Variants in KPNA7 observed in about 807,000 individuals in gnomAD.
KPNA7 encodes the protein importin subunit alpha-8.
A neutral mutation model predicts 53.7 loss-of-function variants in KPNA7; 54 were observed. The observed-to-expected ratio is 1.01, with a 90% CI of 0.81 to 1.26. The LOEUF is 1.26. Ranked by LOEUF, KPNA7 falls within the 50% of genes most tolerant of loss-of-function variation. KPNA7 has a pLI of 0.00. For synonymous variants in KPNA7, 276 were observed against 259.3 expected (o/e 1.06, Z -0.62); for missense variants, 640 against 644.5 (o/e 0.99, Z 0.07).
At chr7:99,147,634 T>C in the KPNA7 span, among the ~76,000 whole-genome samples, 1 of 151,914 alleles carries the variant, frequency 6.6e-6, no homozygotes, top group South Asian at 2.1e-4. Context: ...CTACTAAAAA[T>C]ACAAAAATAA....
the KPNA7 span, among the ~76,000 whole-genome samples, chr7:99,146,807 A>C: frequency 6.6e-6 from 1 of 151,332 alleles, no homozygotes; most frequent in Non-Finnish European, 1.5e-5. Flanking sequence ...AGCCCAGCCT[A>C]CCTTAAATGT....
At chr7:99,176,230 G>A (rs926341722) in intron 10 of KPNA7, among the ~76,000 whole-genome samples, 2 of 150,462 alleles carry the variant, frequency 1.3e-5, no homozygotes, top group African/African-American at 4.9e-5. Flanking sequence ...CCCAGGAGGT[G>A]GAGGTTGCAG....
At chr7:99,187,139 T>C (rs962810316) in intron 7 of KPNA7, among the ~76,000 whole-genome samples, 4 of 151,804 alleles carry the variant, frequency 2.6e-5, no homozygotes, top group African/African-American at 9.7e-5. Context: ...ATACAAAAAT[T>C]AGCTGGGCGT....
the KPNA7 span, among the ~76,000 whole-genome samples, chr7:99,157,107 A>G: frequency 1.3e-5 from 2 of 152,126 alleles, no homozygotes; most frequent in Non-Finnish European, 2.9e-5. Context: ...AATCTTCTCA[A>G]ATCTGTTGAG....
At chr7:99,219,106 T>C (rs1283995580) in intron 1 of KPNA7, among the ~76,000 whole-genome samples, 1 of 152,242 alleles carries the variant, frequency 6.6e-6, no homozygotes, top group East Asian at 1.9e-4. Context: ...TTGGAATCAC[T>C]TGGGGAGTTT....
chr7:99,192,364 C>G (rs1790000995), intron 6 of KPNA7, among the ~76,000 whole-genome samples: 2 of 152,166 alleles, frequency 1.3e-5, no homozygotes, highest in African/African-American at 4.8e-5. Context: ...CCCCTAAAGA[C>G]AGAGCTGAGT....
In KPNA7 at chr7:99,195,213, G is replaced by A; in HGVS notation, c.410C>T (p.Ala137Val). ...AGTCCCTGAAGCGATGTTGGTCAGG[G>A]CCCAGGCAGCCTCAAACTGCAAGCA... ...YPCLQFEAAW[A>V]LTNIASGTSE... is the part of the protein sequence containing the mutation. Residue 137 changes from alanine (A) to valine (V), a missense_variant, in exon 5 of 11, where the codon GCC becomes GTC. Coordinates refer to ENST00000327442, the MANE Select transcript of KPNA7 (RefSeq NM_001145715.3). 6.4e-7 allele frequency: 1 copy of A among 1,551,642 alleles called. No homozygotes were observed. The highest frequency in any genetic ancestry group is 8.7e-7 in the Non-Finnish European group (1 of 1,147,004).
chr7:99,175,344 ATTTTTGTAT>A (rs1420967008), intron 10 of KPNA7, among the ~76,000 whole-genome samples: 1 of 151,582 alleles, frequency 6.6e-6, no homozygotes, highest in Non-Finnish European at 1.5e-5. Flanking sequence ...CACCTGGCTA[ATTTTTGTAT>A]TTTTTGTAGA....
At chr7:99,196,783 C>T (rs1029129427) in intron 3 of KPNA7, among the ~76,000 whole-genome samples, 5 of 152,068 alleles carry the variant, frequency 3.3e-5, no homozygotes, top group Non-Finnish European at 7.4e-5. Context: ...AGCCTCATTC[C>T]CAGAAAATTA....
chr7:99,183,082 CCT>C (rs1267557065), intron 8 of KPNA7, among the ~76,000 whole-genome samples: 5 of 151,996 alleles, frequency 3.3e-5, no homozygotes, highest in African/African-American at 1.2e-4. Context: ...ATGGTGAAAC[CCT>C]GTCTCTATTA....
the KPNA7 span, among the ~76,000 whole-genome samples, chr7:99,155,952 G>A: frequency 5.3e-5 from 8 of 152,042 alleles, no homozygotes; most frequent in African/African-American, 1.7e-4. Context: ...CAACAAGAAC[G>A]AATCAACTTC....
intron 1 of KPNA7, among the ~76,000 whole-genome samples, chr7:99,219,125 C>A (rs1008785221): frequency 1.3e-5 from 2 of 152,236 alleles, no homozygotes; most frequent in African/African-American, 4.8e-5. Flanking sequence ...TTTGAGCCCG[C>A]CCCGGGCAAG....
At chr7:99,151,431 G>A in the KPNA7 span, among the ~76,000 whole-genome samples, 2 of 150,746 alleles carry the variant, frequency 1.3e-5, no homozygotes, top group African/African-American at 4.8e-5. Flanking sequence ...AGAATAGTAA[G>A]CAAACTGTTT....
Position 99,185,494 on chromosome 7 carries a change from G to A in KPNA7, c.901-332C>T, listed in dbSNP as rs1189117288. Among the ~76,000 whole-genome samples, 4 of 152,094 alleles carry A rather than the reference G, an allele frequency of 2.6e-5. No homozygotes were observed. The East Asian group carries it at 5.8e-4, about 22-fold the overall frequency. ...CCCAAGTATCTGGGACTATACGGAT[G>A]TGCCACCATGCCCGGCTAATTTTTA... On this transcript the variant is annotated intron_variant, in intron 7 of 10. Transcript: ENST00000327442.
rs530232493 is a variant in KPNA7 at position 99,185,145 on chromosome 7, G to C, written c.918C>G (p.Thr306=). 2 of 1,551,798 alleles carry C rather than the reference G, an allele frequency of 1.3e-6. No individual in the cohort carries two copies. The highest frequency in any genetic ancestry group is 2.0e-5 in the Admixed American group (1 of 50,946). ...CTGTGCCCGTGACAATGTTCCCCACGGTGCGGAGAGAAGGAGTCTGGAAGA... is the reference window on the plus strand; with the variant it reads ...CTGTGCCCGTGACAATGTTCCCCACCGTGCGGAGAGAAGGAGTCTGGAAGA... ...ELNVLTPSLR[T]VGNIVTGTDE... is the part of the protein sequence containing the mutation. The change falls in exon 8 of 11, where the codon ACC becomes ACG. Residue 306 remains threonine (T), a synonymous_variant. Coordinates refer to ENST00000327442, the MANE Select transcript of KPNA7 (RefSeq NM_001145715.3).
At chr7:99,174,833 T>C (rs1307531439) in intron 10 of KPNA7, among the ~76,000 whole-genome samples, 2 of 150,418 alleles carry the variant, frequency 1.3e-5, no homozygotes, top group East Asian at 2.0e-4. Flanking sequence ...TTTTTTGAGA[T>C]GGAGTCTTAC....
chr7:99,164,365 A>G, the KPNA7 span, among the ~76,000 whole-genome samples: 1,766 of 152,102 alleles, frequency 0.012, 31 homozygotes, highest in African/African-American at 0.041. Context: ...AGAAACCATC[A>G]TTCTCAGCAA....
intron 2 of KPNA7, among the ~76,000 whole-genome samples, chr7:99,205,410 CAAAAAAAAA>C (rs61410237): frequency 4.1e-4 from 45 of 109,776 alleles, no homozygotes; most frequent in African/African-American, 1.1e-3. Context: ...GACTCCATCT[CAAAAAAAAA>C]AAAAAAAAAA....
intron 2 of KPNA7, among the ~76,000 whole-genome samples, chr7:99,206,171 T>A (rs901786955): frequency 1.2e-4 from 19 of 152,180 alleles, no homozygotes; most frequent in African/African-American, 4.3e-4. Context: ...CCTGGTTTTT[T>A]ATTTTTTTCA....
Sources: gnomAD v4.1 joint callset for allele counts (sites outside exome capture counted in the v4.1 genomes callset) on GRCh38, gnomAD v4.1.1 for gene constraint, MANE v1.5 for transcripts, NCBI Gene and HGNC (gene_info 2026-07-23, HGNC 2026-07-21) for gene names.